POU2F1: variants seen among roughly 807,000 people sequenced by gnomAD.
The protein encoded by POU2F1 is POU domain, class 2, transcription factor 1.
POU2F1 carries 16 observed loss-of-function variants against 84.9 expected under a neutral mutation model. That is an observed-to-expected ratio of 0.19 (90% CI 0.13 to 0.29). POU2F1 has a LOEUF of 0.29. Among genes scored for constraint, POU2F1 ranks in the 10% least tolerant of loss-of-function variants. The pLI, the probability that POU2F1 is intolerant of heterozygous loss-of-function variation, is 1.00. For missense variants in POU2F1, 738 were observed against 942.6 expected (o/e 0.78, Z 2.84); for synonymous variants, 368 against 368.3 (o/e 1.00, Z 0.01).
Position 167,420,507 on chromosome 1 carries a change from A to G in POU2F1, c.*4697A>G, listed in dbSNP as rs969747194. On this transcript the variant is annotated 3_prime_UTR_variant, in exon 16 of 16. Transcript: ENST00000367866. Reference sequence around the variant, plus strand: ...ATAAATCCTGATATTATACATTGCAATTAGTGTAGAATAAACGCTTGGCTT... The same window carrying G: ...ATAAATCCTGATATTATACATTGCAGTTAGTGTAGAATAAACGCTTGGCTT... 7 of 152,198 alleles carry G rather than the reference A, an allele frequency of 4.6e-5. No individual in the cohort carries two copies. The highest frequency in any genetic ancestry group is 1.4e-4 in the African/African-American group (6 of 41,452). 9.4% of individuals were successfully genotyped at this position (152,198 alleles called of 1,614,324 possible). A position where few individuals can be genotyped will look rare whatever the true frequency, so the allele number is the denominator to read the frequency against.
At chr1:167,267,800 C>G (rs1354106929) in intron 1 of POU2F1, among the ~76,000 whole-genome samples, 1 of 151,860 alleles carries the variant, frequency 6.6e-6, no homozygotes, top group East Asian at 1.9e-4. Flanking sequence ...TGCCACCAGG[C>G]CTGGCTAATT....
Position 167,414,577 on chromosome 1 carries a change from C to T in POU2F1, c.1991-923C>T, listed in dbSNP as rs979733722. The T allele has an allele frequency of 6.1e-6, 6 of 985,418 alleles. No homozygotes were observed. In the South Asian group the frequency reaches 1.9e-4, roughly 31 times the overall value. The allele number at this position is 985,418 out of a possible 1,614,324, so 61.0% of individuals were successfully genotyped here. On this transcript the variant is annotated intron_variant, in intron 15 of 15. Coordinates refer to ENST00000367866, the MANE Select transcript of POU2F1 (RefSeq NM_002697.4). ...TGTTGCCAGACAACAGGTTGAGATACTAAATGAGAGTCTCGATTATTTTAA... is the reference window on the plus strand; with the variant it reads ...TGTTGCCAGACAACAGGTTGAGATATTAAATGAGAGTCTCGATTATTTTAA...
chr1:167,372,724 G>T (rs998407120), intron 5 of POU2F1, among the ~76,000 whole-genome samples: 10 of 152,098 alleles, frequency 6.6e-5, no homozygotes, highest in Non-Finnish European at 1.5e-4. Context: ...TATTTTTTAT[G>T]GTTAATAAAT....
chr1:167,373,652 C>G (rs1203150637), intron 5 of POU2F1, among the ~76,000 whole-genome samples: 1 of 152,128 alleles, frequency 6.6e-6, no homozygotes, highest in Non-Finnish European at 1.5e-5. Context: ...TATCTTTGGA[C>G]TTAATGGAAA....
intron 1 of POU2F1, among the ~76,000 whole-genome samples, chr1:167,254,629 G>C (rs1376703562): frequency 6.6e-6 from 1 of 152,172 alleles, no homozygotes; most frequent in African/African-American, 2.4e-5. Context: ...AGAGTATCTT[G>C]ATGCTATAAT....
intron 1 of POU2F1, among the ~76,000 whole-genome samples, chr1:167,223,772 TGA>T (rs1268237272): frequency 6.6e-5 from 10 of 152,084 alleles, no homozygotes; most frequent in Non-Finnish European, 1.5e-4. Flanking sequence ...TTCAGGTGAA[TGA>T]CTGCTTCAGA....
intron 1 of POU2F1, among the ~76,000 whole-genome samples, chr1:167,304,140 T>A (rs1444826907): frequency 6.6e-6 from 1 of 152,204 alleles, no homozygotes; most frequent in African/African-American, 2.4e-5. Flanking sequence ...TATTTTTATT[T>A]TTAAGTACTT....
At position 167,292,482 on chromosome 1, in the gene POU2F1, TA is replaced by T. The variant is rs775819541; in HGVS notation, c.62-39973del. On this transcript the variant is annotated intron_variant, in intron 1 of 15. Transcript: ENST00000367866. ...GATAAGCAGCAAAATTGAATCAGTT[TA>T]AAAAAAAAAAAAAACTTGCCAACAA... Among the ~76,000 whole-genome samples the T allele has an allele frequency of 3.0e-3, 410 of 135,758 alleles. 1 individual carries two copies. Among genetic ancestry groups the T allele is most frequent in the Middle Eastern group, 0.011 (3 of 268 alleles). The allele number at this position is 135,758 out of a possible 152,430, so 89.1% of individuals were successfully genotyped here.
chr1:167,329,296 C>G (rs1656921641), intron 1 of POU2F1: 2 of 1,548,904 alleles, frequency 1.3e-6, no homozygotes, highest in African/African-American at 2.7e-5. Context: ...ACTGCAGTGA[C>G]TATGTTCTAG....
At chr1:167,308,160 G>A (rs1024435633) in intron 1 of POU2F1, among the ~76,000 whole-genome samples, 1 of 151,558 alleles carries the variant, frequency 6.6e-6, no homozygotes, top group Non-Finnish European at 1.5e-5. Context: ...TCTGCCGCCC[G>A]GGTTCAAGCA....
At chr1:167,325,699 G>A (rs934990318) in intron 1 of POU2F1, among the ~76,000 whole-genome samples, 6 of 152,088 alleles carry the variant, frequency 3.9e-5, no homozygotes, top group African/African-American at 1.4e-4. Flanking sequence ...AGACCAGCCT[G>A]GCCAACATGG....
chr1:167,275,032 ATTTTTTTTTT>A (rs11413742), intron 1 of POU2F1, among the ~76,000 whole-genome samples: 8 of 112,476 alleles, frequency 7.1e-5, no homozygotes, highest in African/African-American at 2.6e-4. Context: ...AAATAAATGT[ATTTTTTTTTT>A]TTTTTTTTTT....
intron 1 of POU2F1, among the ~76,000 whole-genome samples, chr1:167,232,080 A>G (rs996234132): frequency 5.9e-5 from 9 of 152,188 alleles, no homozygotes; most frequent in Non-Finnish European, 1.0e-4. Flanking sequence ...GAGTATGTGA[A>G]AAGTGTGCCT....
At chr1:167,226,366 G>A (rs1162465840) in intron 1 of POU2F1, among the ~76,000 whole-genome samples, 2 of 152,154 alleles carry the variant, frequency 1.3e-5, no homozygotes, top group Admixed American at 1.3e-4. Flanking sequence ...TAATAATTAA[G>A]GTTCACAGAG....
intron 1 of POU2F1, among the ~76,000 whole-genome samples, chr1:167,271,668 A>T (rs1411052543): frequency 4.6e-5 from 7 of 152,134 alleles, no homozygotes; most frequent in Non-Finnish European, 7.4e-5. Flanking sequence ...TGAAATGAGG[A>T]CCTCAGAGAG....
At chr1:167,292,457 G>C (rs979703537) in intron 1 of POU2F1, among the ~76,000 whole-genome samples, 16 of 149,668 alleles carry the variant, frequency 1.1e-4, no homozygotes, top group Non-Finnish European at 2.1e-4. Context: ...TGAACAGACT[G>C]ATAAGCAGCA....
chr1:167,399,340 C>G lies in POU2F1; in HGVS notation c.1424C>G (p.Ala475Gly), dbSNP rs1222591643. The G allele has an allele frequency of 1.9e-6, 3 of 1,612,912 alleles. No homozygotes were observed. The highest frequency in any genetic ancestry group is 1.3e-5 in the African/African-American group (1 of 74,836). Residue 475 changes from alanine to glycine, a missense_variant, in exon 12 of 16, where the codon GCA becomes GGA. Physicochemically the swap from Ala to Gly is moderately conservative, Grantham distance 60. Around this residue, in one of 4 missense-constraint regions of POU2F1, gnomAD observed 319 missense variants for 386.0 expected, o/e 0.83. Coordinates refer to ENST00000367866, the MANE Select transcript of POU2F1 (RefSeq NM_002697.4). ...GGGACCAGCAGCTCACCTATTAAAGCAATTTTCCCCAGCCCAACTTCACTG... is the reference window on the plus strand; with the variant it reads ...GGGACCAGCAGCTCACCTATTAAAGGAATTTTCCCCAGCCCAACTTCACTG... ...SGGTSSSPIK[A>G]IFPSPTSLVA...
intron 1 of POU2F1, among the ~76,000 whole-genome samples, chr1:167,322,146 T>C (rs188524582): frequency 6.6e-6 from 1 of 152,338 alleles, no homozygotes; most frequent in East Asian, 1.9e-4. Context: ...TGAATAGTTA[T>C]TTCACAGGTA....
chr1:167,270,042 T>TTG (rs767543470), intron 1 of POU2F1, among the ~76,000 whole-genome samples: 2 of 152,168 alleles, frequency 1.3e-5, no homozygotes, highest in Non-Finnish European at 2.9e-5. Flanking sequence ...CTCCCTGAGT[T>TTG]TGTGGGTCTG....
Sources: gnomAD v4.1 joint callset for allele counts (sites outside exome capture counted in the v4.1 genomes callset) on GRCh38, gnomAD v4.1.1 for gene constraint, gnomAD v4.1.1 regional missense constraint, MANE v1.5 for transcripts, NCBI Gene and HGNC (gene_info 2026-07-23, HGNC 2026-07-21) for gene names.